The following NUDCD1 variants were observed in gnomAD, a reference collection of about 807,000 sequenced individuals.
NUDCD1 encodes nudC domain-containing protein 1.
In NUDCD1, 60 loss-of-function variants were observed where a neutral mutation model predicts 67.8. That is an observed-to-expected ratio of 0.88 (90% confidence interval 0.72 to 1.10). The LOEUF is 1.10. NUDCD1 is among the 50% of genes least tolerant of loss of function. NUDCD1 has a pLI of 0.00. For synonymous variants in NUDCD1, 244 were observed against 230.8 expected, an observed-to-expected ratio of 1.06 and a Z score of -0.52; for missense variants, 643 against 695.0, an observed-to-expected ratio of 0.93 and a Z score of 0.84.
chr8:109,330,312 T>C (rs1815776887), intron 1 of NUDCD1, among the ~76,000 whole-genome samples: 1 of 152,208 alleles, frequency 6.6e-6, no homozygotes, highest in Admixed American at 6.5e-5. Flanking sequence ...CCTCATTGCA[T>C]CAAGTTCTTG....
chr8:109,308,388 AACAG>A (rs1021445199), intron 2 of NUDCD1, among the ~76,000 whole-genome samples: 23 of 152,288 alleles, frequency 1.5e-4, no homozygotes, highest in African/African-American at 5.5e-4. Flanking sequence ...AAAGAGCACA[AACAG>A]ACAATCTAAG....
At chr8:109,273,801 C>T (rs1242280677) in intron 7 of NUDCD1, among the ~76,000 whole-genome samples, 1 of 152,036 alleles carries the variant, frequency 6.6e-6, no homozygotes, top group East Asian at 1.9e-4. Flanking sequence ...GAACACTTCC[C>T]TAATCATTTT....
intron 2 of NUDCD1, chr8:109,298,575 C>T (rs572509735): frequency 1.3e-5 from 2 of 152,000 alleles, no homozygotes; most frequent in Non-Finnish European, 2.9e-5. Flanking sequence ...CTTATAATCT[C>T]AGGATAGAAA....
chr8:109,333,079 C>T (rs943679272), intron 1 of NUDCD1, among the ~76,000 whole-genome samples: 2 of 152,194 alleles, frequency 1.3e-5, no homozygotes, highest in Non-Finnish European at 2.9e-5. Flanking sequence ...TAACACAAAA[C>T]AGGTACTCGG....
At chr8:109,282,001 C>T (rs796094187) in intron 5 of NUDCD1, among the ~76,000 whole-genome samples, 2 of 152,310 alleles carry the variant, frequency 1.3e-5, no homozygotes, top group African/African-American at 4.8e-5. Flanking sequence ...CTCATGCCAT[C>T]CCCCGAACCC....
Position 109,334,045 on chromosome 8 carries a change from G to A in NUDCD1, c.-35C>T. On this transcript the variant is annotated 5_prime_UTR_variant, in exon 1 of 10. Transcript: ENST00000239690. Reference sequence around the variant, plus strand: ...GGGCCGCAGCGTGAGAATTAATAAAGCCCTTGTTGAAAGGTCCGCGCTTCA... The same window carrying A: ...GGGCCGCAGCGTGAGAATTAATAAAACCCTTGTTGAAAGGTCCGCGCTTCA... 1.2e-6 allele frequency: 2 copies of A among 1,613,444 alleles called. No homozygotes were observed. Among genetic ancestry groups the A allele is most frequent in the South Asian group, 1.1e-5 (1 of 91,046 alleles).
intron 2 of NUDCD1, among the ~76,000 whole-genome samples, chr8:109,303,125 C>G (rs1029486428): frequency 2.6e-5 from 4 of 152,200 alleles, no homozygotes; most frequent in Admixed American, 2.6e-4. Context: ...AAGCCCGCAG[C>G]CTGGGATTCC....
intron 1 of NUDCD1, among the ~76,000 whole-genome samples, chr8:109,326,107 T>A (rs529331773): frequency 1.3e-5 from 2 of 152,330 alleles, no homozygotes; most frequent in South Asian, 4.1e-4. Flanking sequence ...GACAACGATA[T>A]AACAAATACA....
intron 1 of NUDCD1, among the ~76,000 whole-genome samples, chr8:109,323,039 G>C (rs1442093581): frequency 6.6e-6 from 1 of 152,132 alleles, no homozygotes; most frequent in East Asian, 1.9e-4. Flanking sequence ...CCTACTTACA[G>C]AACAGAGATT....
At chr8:109,257,143 T>C (rs1466172108) in intron 8 of NUDCD1, among the ~76,000 whole-genome samples, 1 of 152,118 alleles carries the variant, frequency 6.6e-6, no homozygotes, top group Non-Finnish European at 1.5e-5. Flanking sequence ...TCTAATATCC[T>C]AGCTAGTACA....
intron 8 of NUDCD1, among the ~76,000 whole-genome samples, chr8:109,248,329 G>A (rs1383721781): frequency 6.6e-6 from 1 of 152,144 alleles, no homozygotes; most frequent in Non-Finnish European, 1.5e-5. Context: ...TACACCTGCA[G>A]CAATTCGTTG....
chr8:109,326,460 C>T lies in NUDCD1; in HGVS notation c.119-3997G>A, dbSNP rs144966092. 6.4e-4 allele frequency among the ~76,000 whole-genome samples: 97 copies of T among 152,282 alleles called. 3 individuals carry two copies. The East Asian group carries it at 0.018, about 28-fold the overall frequency. On this transcript the variant is annotated intron_variant, in intron 1 of 9. Transcript: ENST00000239690. ...TGACAGTTCTTAGCTACTGGCAGAG[C>T]TCTTTTGCAGAGTTCTCCCAAAAAA... is the stretch of plus-strand genomic sequence containing the variant.
chr8:109,311,150 G>T (rs1239313658), intron 2 of NUDCD1, among the ~76,000 whole-genome samples: 3 of 151,978 alleles, frequency 2.0e-5, no homozygotes, highest in Non-Finnish European at 4.4e-5. Flanking sequence ...TGTACAAATG[G>T]CCAAAAAGCA....
chr8:109,322,089 G>A (rs1191671276), intron 2 of NUDCD1, among the ~76,000 whole-genome samples: 1 of 152,120 alleles, frequency 6.6e-6, no homozygotes, highest in Non-Finnish European at 1.5e-5. Context: ...GAGAGTTGCT[G>A]CCCAATGGTG....
At chr8:109,270,077 G>GCT (rs1162007239) in intron 8 of NUDCD1, among the ~76,000 whole-genome samples, 1 of 62,852 alleles carries the variant, frequency 1.6e-5, no homozygotes, top group African/African-American at 5.6e-5. Flanking sequence ...CGGGGGGGGG[G>GCT]GGGGGTGCCT....
chr8:109,244,652 C>A lies in NUDCD1; in HGVS notation c.1459+670G>T, dbSNP rs568073159. Among the ~76,000 whole-genome samples, 60 of 152,182 alleles carry A rather than the reference C, an allele frequency of 3.9e-4. 1 individual carries two copies. In the South Asian group the frequency reaches 0.012, roughly 31 times the overall value. On this transcript the variant is annotated intron_variant, in intron 9 of 9. Coordinates refer to ENST00000239690, the MANE Select transcript of NUDCD1 (RefSeq NM_032869.4). ...ACTTCTTGCTGCCTGTTTAAAATAA[C>A]CTTTCAATAAAGCAACAACTGTGGC...
At position 109,289,868 on chromosome 8, in the gene NUDCD1, C is replaced by G; in HGVS notation, c.706G>C (p.Ala236Pro). ...LRGKSVPHYA[A>P]IEPDGNGLMI... ...AGACCATTTCCATCAGGCTCAATAG[C>G]AGCATAATGTGGCACTGACTTTCCA... Residue 236 changes from alanine to proline, a missense_variant, in exon 5 of 10, where the codon GCT (alanine) becomes CCT (proline). Physicochemically the swap from Ala to Pro is conservative, Grantham distance 27. Transcript: ENST00000239690. 6.4e-7 allele frequency: 1 copy of G among 1,555,782 alleles called. No individual in the cohort carries two copies. Among genetic ancestry groups the G allele is most frequent in the Non-Finnish European group, 8.7e-7 (1 of 1,152,528 alleles).
rs1813395395 is a variant in NUDCD1 at position 109,242,767 on chromosome 8, T to C, written c.*242A>G. On this transcript the variant is annotated 3_prime_UTR_variant, in exon 10 of 10. Coordinates refer to ENST00000239690, the MANE Select transcript of NUDCD1 (RefSeq NM_032869.4). ...GCCTGTTTTAAAAAATAAGTATACT[T>C]GCTAGTACTATCTTCACTCTTTTTT... 3 of 283,088 alleles carry C rather than the reference T, an allele frequency of 1.1e-5. No individual in the cohort carries two copies. The highest frequency in any genetic ancestry group is 1.3e-4 in the East Asian group (2 of 16,000). 17.5% of individuals were successfully genotyped at this position (283,088 alleles called of 1,614,324 possible).
chr8:109,296,714 T>C (rs1814852018), intron 2 of NUDCD1, 145 bp from the exon 3 acceptor site: 5 of 580,838 alleles, frequency 8.6e-6, no homozygotes, highest in Non-Finnish European at 1.2e-5. Flanking sequence ...GTCCTACTGA[T>C]TCAGTTTTAA....
Sources: allele counts gnomAD v4.1 joint callset (sites outside exome capture counted in the v4.1 genomes callset), GRCh38; gene constraint gnomAD v4.1.1; transcripts MANE v1.5; gene names NCBI Gene and HGNC (gene_info 2026-07-23, HGNC 2026-07-21).